Variants in EP400 observed in about 807,000 individuals in gnomAD.
EP400 encodes E1A-binding protein p400.
A neutral mutation model predicts 354.1 loss-of-function variants in EP400; 105 were observed. The observed-to-expected ratio is 0.30, with a 90% confidence interval of 0.25 to 0.35. The LOEUF is 0.35. EP400 is among the 10% of genes least tolerant of loss of function. The probability of loss-of-function intolerance (pLI) is 1.00; values close to 1 mark genes in which losing one functional copy is unlikely to be tolerated. For synonymous variants in EP400, 1,646 were observed against 1,716.9 expected, an observed-to-expected ratio of 0.96 and a Z score of 1.02; for missense variants, 3,280 against 4,121.0, an observed-to-expected ratio of 0.80 and a Z score of 5.59.
chr12:131,952,813 G>A (rs967217864), intron 1 of EP400, among the ~76,000 whole-genome samples: 2 of 152,108 alleles, frequency 1.3e-5, no homozygotes, highest in African/African-American at 2.4e-5. Flanking sequence ...TCTGTTGCCC[G>A]CTGATGGACC....
intron 5 of EP400, among the ~76,000 whole-genome samples, chr12:131,982,836 G>T (rs1892727308): frequency 6.6e-6 from 1 of 152,028 alleles, no homozygotes; most frequent in African/African-American, 2.4e-5. Context: ...CAGGCGTGGT[G>T]GCAAGTGCCT....
rs1267528574 is a variant in EP400, at chr12:132,052,552, C to T, written c.7395-594C>T. ...CTGTTTTCCTCCATAGCAGCCAGTA[C>T]GTCTTCAGACCCACTGCACATTTTA... On this transcript the variant is annotated intron_variant, in intron 41 of 52. Coordinates refer to ENST00000389561, the MANE Select transcript of EP400 (RefSeq NM_015409.5). This position sits in a 1 kb window ranked among gnomAD's most constrained non-coding sequence, Gnocchi z 4.4. Among the ~76,000 whole-genome samples the T allele has an allele frequency of 6.6e-6, 1 of 152,242 alleles. No homozygotes were observed. Among genetic ancestry groups the T allele is most frequent in the Non-Finnish European group, 1.5e-5 (1 of 68,046 alleles).
At chr12:132,042,453 T>C (rs1250712473) in intron 32 of EP400, among the ~76,000 whole-genome samples, 2 of 152,218 alleles carry the variant, frequency 1.3e-5, no homozygotes, top group Non-Finnish European at 1.5e-5. Context: ...TGTGCTCTGC[T>C]GAGGAGATTA....
chr12:132,013,582 G>T lies in EP400; in HGVS notation c.3704G>T (p.Arg1235Met). ...CACTTCCTGGTCCCAGGGATCTCCA[G>T]GCCCTACCTGAGCTCCCCTCTGAGG... ...MVHFLVPGISRPYLSSPLRAP... is the reference protein window; with the variant it reads ...MVHFLVPGISMPYLSSPLRAP... The change falls in exon 18 of 53, where the codon AGG becomes ATG. Residue 1235 changes from arginine (R) to methionine (M), a missense_variant. Coordinates refer to ENST00000389561, the MANE Select transcript of EP400 (RefSeq NM_015409.5). This position sits in a 1 kb window ranked among gnomAD's most constrained non-coding sequence, Gnocchi z 4.5. 6.2e-7 allele frequency: 1 copy of T among 1,613,982 alleles called. No individual in the cohort carries two copies. Among genetic ancestry groups the T allele is most frequent in the South Asian group, 1.1e-5 (1 of 91,028 alleles).
rs1285017998 is a variant in EP400, at chr12:132,027,620, T to C, written c.5109+89T>C. ...GTGTTTGGTTGTGATATTTAAAGGCTCCTGTGAATTCTCAAGTGATGTTAC... is the reference window on the plus strand; with the variant it reads ...GTGTTTGGTTGTGATATTTAAAGGCCCCTGTGAATTCTCAAGTGATGTTAC... On this transcript the variant is annotated intron_variant, in intron 26 of 52. Transcript: ENST00000389561. The surrounding 1 kb of genome is among the most constrained non-coding windows in gnomAD (Gnocchi z 4.9). The C allele has an allele frequency of 1.3e-5, 13 of 1,035,510 alleles. No homozygotes were observed. Among genetic ancestry groups the C allele is most frequent in the African/African-American group, 3.2e-5 (2 of 62,068 alleles). The allele number at this position is 1,035,510 out of a possible 1,614,324, so 64.1% of individuals were successfully genotyped here. A position where few individuals can be genotyped will look rare whatever the true frequency, so the allele number is the denominator to read the frequency against.
chr12:131,963,686 T>C lies in EP400; in HGVS notation c.1335+1732T>C, dbSNP rs1463643793. Reference sequence around the variant, plus strand: ...CAAATGTAGTCTCATCCCAAACTTTTCCTTCATCCAGATATTTTAACCTTC... The same window carrying C: ...CAAATGTAGTCTCATCCCAAACTTTCCCTTCATCCAGATATTTTAACCTTC... On this transcript the variant is annotated intron_variant, in intron 2 of 52. Transcript: ENST00000389561. 5 of 1,494,860 alleles carry C rather than the reference T, an allele frequency of 3.3e-6. No individual in the cohort carries two copies. In the African/African-American group the frequency reaches 5.5e-5, roughly 16 times the overall value. 92.6% of individuals were successfully genotyped at this position (1,494,860 alleles called of 1,614,324 possible).
intron 45 of EP400, among the ~76,000 whole-genome samples, chr12:132,055,587 A>G (rs1213526870): frequency 1.5e-4 from 9 of 60,062 alleles, no homozygotes; most frequent in African/African-American, 5.9e-4. Flanking sequence ...GTGTAGGGGT[A>G]TGTGTGGTAT....
chr12:132,068,556 G>A (rs1895973033), intron 50 of EP400: 1 of 152,390 alleles, frequency 6.6e-6, no homozygotes, highest in African/African-American at 2.4e-5. Context: ...CATGCTCTGT[G>A]GGGAGCTGGA....
At chr12:131,985,640 T>C (rs569170433) in intron 5 of EP400, among the ~76,000 whole-genome samples, 42 of 152,184 alleles carry the variant, frequency 2.8e-4, no homozygotes, top group Non-Finnish European at 4.1e-4. Flanking sequence ...GGAGTTTTGC[T>C]CTTGTTCCCC....
chr12:131,982,331 G>C lies in EP400; in HGVS notation c.1782G>C (p.Val594=). 6.2e-7 allele frequency: 1 copy of C among 1,614,130 alleles called. No individual in the cohort carries two copies. Among genetic ancestry groups the C allele is most frequent in the Admixed American group, 1.7e-5 (1 of 60,032 alleles). Residue 594 remains valine, a synonymous_variant, in exon 5 of 53, where the codon GTG becomes GTC. Coordinates refer to ENST00000389561, the MANE Select transcript of EP400 (RefSeq NM_015409.5). ...CCCAGACACAGCTCCAAATCCCGGT[G>C]AAGACTCAGCAGCCCAATGTTCCCA... The part of the protein sequence containing the change: ...VEAQTQLQIP[V]KTQQPNVPIP...
chr12:132,024,483 C>T (rs149963416), intron 24 of EP400, among the ~76,000 whole-genome samples: 1 of 152,320 alleles, frequency 6.6e-6, no homozygotes, highest in Non-Finnish European at 1.5e-5. Context: ...AAATCATTTT[C>T]TTCTATCAGC....
intron 11 of EP400, among the ~76,000 whole-genome samples, chr12:131,993,428 T>G (rs1397167221): frequency 1.3e-5 from 2 of 152,174 alleles, no homozygotes; most frequent in African/African-American, 2.4e-5. Flanking sequence ...GTTTGTGTCT[T>G]TCTTGTTACC....
rs1278221134 is a variant in EP400 at position 132,079,960 on chromosome 12, C to G, written c.*2287C>G. 6.6e-6 allele frequency: 1 copy of G among 152,166 alleles called. No individual in the cohort carries two copies. The highest frequency in any genetic ancestry group is 1.9e-4 in the East Asian group (1 of 5,194). 9.4% of individuals were successfully genotyped at this position (152,166 alleles called of 1,614,324 possible). A position where few individuals can be genotyped will look rare whatever the true frequency, so the allele number is the denominator to read the frequency against. ...CCTTTTAAAGGTTAAAGTTTCTAAC[C>G]TAAGAATTAAGTACGCGTTCAGGAA... On this transcript the variant is annotated 3_prime_UTR_variant, in exon 53 of 53. Transcript: ENST00000389561.
chr12:132,076,450 G>GA (rs760823271), intron 51 of EP400, 66 bp from the exon 52 acceptor site: 5 of 1,527,720 alleles, frequency 3.3e-6, no homozygotes, highest in Non-Finnish European at 3.6e-6. Context: ...AGAAAGGGAG[G>GA]AAAAATCTCT....
intron 51 of EP400, among the ~76,000 whole-genome samples, chr12:132,073,889 C>T (rs1228246343): frequency 1.4e-5 from 2 of 141,758 alleles, no homozygotes; most frequent in African/African-American, 5.3e-5. Flanking sequence ...TTGCTTAGTA[C>T]AGAATTCCGG....
intron 2 of EP400, among the ~76,000 whole-genome samples, chr12:131,978,522 G>T (rs1434037250): frequency 6.6e-6 from 1 of 151,518 alleles, no homozygotes; most frequent in Non-Finnish European, 1.5e-5. Context: ...TTCATTTTTT[G>T]TTTTTTTTAA....
chr12:131,987,983 CTTTTTTTTTT>C (rs778740521), intron 7 of EP400, 93 bp downstream of exon 7: 30 of 268,724 alleles, frequency 1.1e-4, no homozygotes, highest in Middle Eastern at 9.9e-4. Context: ...TCCAGACCCA[CTTTTTTTTTT>C]TTTTTTTTTT....
In EP400 at chr12:132,006,874, G is replaced by A. The variant is rs766432250; in HGVS notation, c.3301G>A (p.Glu1101Lys). ...IAFFAHLACN[E>K]GNWGPHLVVV... Reference sequence around the variant, plus strand: ...TTTTTTTGCCCACCTAGCTTGTAACGAAGGTAAGAGTTTGCTAGTTTTTTT... The same window carrying A: ...TTTTTTTGCCCACCTAGCTTGTAACAAAGGTAAGAGTTTGCTAGTTTTTTT... Residue 1101 changes from glutamate (E) to lysine (K), a missense_variant, in exon 15 of 53, where the codon GAA becomes AAA. Glu to Lys is a moderately conservative substitution (Grantham distance 56, BLOSUM62 1). This residue lies in a region of EP400 where 242 missense variants were observed against 357.9 expected (regional missense o/e 0.68). Coordinates refer to ENST00000389561, the MANE Select transcript of EP400 (RefSeq NM_015409.5). 11 of 1,613,874 alleles carry A rather than the reference G, an allele frequency of 6.8e-6. No individual in the cohort carries two copies. The highest frequency in any genetic ancestry group is 7.6e-6 in the Non-Finnish European group (9 of 1,179,954).
chr12:132,060,936 A>AG (rs1445842658), intron 45 of EP400, among the ~76,000 whole-genome samples: 6 of 151,592 alleles, frequency 4.0e-5, no homozygotes, highest in African/African-American at 1.5e-4. Flanking sequence ...AAAACAAAAA[A>AG]CAAAACAAAA....
Sources: gnomAD v4.1 joint callset for allele counts (sites outside exome capture counted in the v4.1 genomes callset) on GRCh38, gnomAD v4.1.1 for gene constraint, gnomAD v4.1.1 regional missense constraint, Gnocchi (gnomAD v3.1) non-coding constraint, MANE v1.5 for transcripts, NCBI Gene and HGNC (gene_info 2026-07-23, HGNC 2026-07-21) for gene names.